The following SAMD7 variants were observed in gnomAD, a reference collection of about 807,000 sequenced individuals.
SAMD7 encodes sterile alpha motif domain-containing protein 7.
A neutral mutation model predicts 36.7 loss-of-function variants in SAMD7; 34 were observed. That is an observed-to-expected ratio of 0.93 (90% CI 0.71 to 1.23). SAMD7 has a LOEUF of 1.23. Ranked by LOEUF, SAMD7 falls within the 50% of genes most tolerant of loss-of-function variation. The pLI is 0.00. For synonymous variants in SAMD7, 188 were observed against 189.7 expected, an observed-to-expected ratio of 0.99 and a Z score of 0.07; for missense variants, 570 against 546.6, an observed-to-expected ratio of 1.04 and a Z score of -0.43.
At chr3:169,916,443 T>C (rs1712803648) in intron 2 of SAMD7, among the ~76,000 whole-genome samples, 1 of 152,080 alleles carries the variant, frequency 6.6e-6, no homozygotes, top group Admixed American at 6.6e-5. Context: ...GTCAGGAGTT[T>C]GAGACCAGCC....
At chr3:169,913,048 C>T (rs1444953550) in intron 1 of SAMD7, among the ~76,000 whole-genome samples, 1 of 152,084 alleles carries the variant, frequency 6.6e-6, no homozygotes, top group African/African-American at 2.4e-5. Flanking sequence ...TCGCAAGAAG[C>T]CAGGCCTGAA....
chr3:169,923,428 C>T (rs1713131118), intron 4 of SAMD7, among the ~76,000 whole-genome samples: 1 of 152,226 alleles, frequency 6.6e-6, no homozygotes, highest in Non-Finnish European at 1.5e-5. Flanking sequence ...TTACCGACAA[C>T]AGGCCAATAG....
chr3:169,931,882 C>A (rs1013049725), intron 7 of SAMD7: 1 of 220,668 alleles, frequency 4.5e-6, no homozygotes, highest in Non-Finnish European at 9.2e-6. Flanking sequence ...GAAGGTGCAT[C>A]CACAAATGGA....
chr3:169,925,582 C>T (rs1038017113), intron 5 of SAMD7, among the ~76,000 whole-genome samples: 1 of 152,002 alleles, frequency 6.6e-6, no homozygotes, highest in Non-Finnish European at 1.5e-5. Flanking sequence ...AAAAAACCAG[C>T]CAGGGGTGGT....
At chr3:169,924,832 A>C (rs2108260450) in intron 4 of SAMD7, among the ~76,000 whole-genome samples, 1 of 152,320 alleles carries the variant, frequency 6.6e-6, no homozygotes. Context: ...TCATGAGACC[A>C]ACAATTAAAG....
rs139999001 is a variant in SAMD7 at position 169,927,071 on chromosome 3, T to G, written c.809T>G (p.Leu270Arg). The G allele has an allele frequency of 4.3e-6, 7 of 1,610,278 alleles. No individual in the cohort carries two copies. Among genetic ancestry groups the G allele is most frequent in the Non-Finnish European group, 5.9e-6 (7 of 1,178,926 alleles). ...CCCTGGGGGTCTCACACCACTACCCTGAAAGCAAAGGCCTGGGACGATGGG... is the reference window on the plus strand; with the variant it reads ...CCCTGGGGGTCTCACACCACTACCCGGAAAGCAAAGGCCTGGGACGATGGG... The part of the protein sequence containing the change: ...RKPWGSHTTT[L>R]KAKAWDDGKE... The change falls in exon 6 of 9, where the codon CTG (leucine) becomes CGG (arginine). Residue 270 changes from leucine (L) to arginine (R), a missense_variant. Physicochemically the swap from Leu to Arg is moderately radical, Grantham distance 102 (BLOSUM62 -2). Transcript: ENST00000335556.
chr3:169,921,751 A>G (rs1297991958), intron 4 of SAMD7, among the ~76,000 whole-genome samples: 1 of 152,194 alleles, frequency 6.6e-6, no homozygotes, highest in Non-Finnish European at 1.5e-5. Flanking sequence ...AAAGAGCAAC[A>G]TGGTCTGACT....
intron 3 of SAMD7, among the ~76,000 whole-genome samples, chr3:169,919,822 G>A (rs79398235): frequency 6.8e-4 from 104 of 152,318 alleles, no homozygotes; most frequent in Non-Finnish European, 1.2e-3. Flanking sequence ...CATACTATAT[G>A]ACAGGCATTG....
At chr3:169,928,342 C>T in intron 6 of SAMD7, 115 bp from the exon 7 acceptor site, 3 of 767,956 alleles carry the variant, frequency 3.9e-6, no homozygotes, top group Non-Finnish European at 6.4e-6. Flanking sequence ...TTCCTAATAT[C>T]TTGTAAGGCG....
intron 4 of SAMD7, among the ~76,000 whole-genome samples, chr3:169,922,887 T>C (rs532807172): frequency 3.3e-5 from 5 of 152,364 alleles, no homozygotes; most frequent in African/African-American, 1.2e-4. Context: ...AAGTGTGCCA[T>C]CTGCAGAGCA....
intron 1 of SAMD7, among the ~76,000 whole-genome samples, chr3:169,913,008 G>T (rs1712666608): frequency 1.3e-5 from 2 of 152,172 alleles, no homozygotes; most frequent in African/African-American, 4.8e-5. Flanking sequence ...GGAGTTGTTG[G>T]GGTACTGCCT....
In SAMD7 at chr3:169,938,483, G is replaced by A. The variant is rs540015841; in HGVS notation, c.1318G>A (p.Glu440Lys). The A allele has an allele frequency of 1.2e-6, 2 of 1,610,192 alleles. No homozygotes were observed. The highest frequency in any genetic ancestry group is 2.7e-5 in the African/African-American group (2 of 74,902). The part of the protein sequence containing the change: ...PQDTIIPKGI[E>K]RGSMRN ...GGATACAATAATTCCTAAAGGAATTGAGCGAGGTAGTATGAGAAACTAAAA... is the reference window on the plus strand; with the variant it reads ...GGATACAATAATTCCTAAAGGAATTAAGCGAGGTAGTATGAGAAACTAAAA... The change falls in exon 9 of 9, where the codon GAG (glutamate) becomes AAG (lysine). Residue 440 changes from glutamate to lysine, a missense_variant. By Grantham distance (56) the Glu-to-Lys change is moderately conservative. Transcript: ENST00000335556.
intron 8 of SAMD7, among the ~76,000 whole-genome samples, chr3:169,937,631 A>G (rs1217535773): frequency 6.6e-6 from 1 of 152,118 alleles, no homozygotes; most frequent in Non-Finnish European, 1.5e-5. Context: ...GTGTATATGT[A>G]CCACATTTTC....
In SAMD7 at chr3:169,936,321, C is replaced by G. The variant is rs1386512992; in HGVS notation, c.1042-18C>G. On this transcript the variant is annotated intron_variant, in intron 7 of 8. Coordinates refer to ENST00000335556, the MANE Select transcript of SAMD7 (RefSeq NM_001304366.2). ...AAAAGACATTCAGACAGAGTTAACA[C>G]CTTTTGTATTTATGAAGGTATTTAA... The G allele has an allele frequency of 3.5e-6, 5 of 1,447,024 alleles. No homozygotes were observed. The East Asian group carries it at 6.8e-5, about 20-fold the overall frequency. The allele number at this position is 1,447,024 out of a possible 1,614,324, so 89.6% of individuals were successfully genotyped here.
intron 4 of SAMD7, among the ~76,000 whole-genome samples, chr3:169,921,710 TA>T (rs1013002340): frequency 6.6e-6 from 1 of 152,034 alleles, no homozygotes; most frequent in African/African-American, 2.4e-5. Context: ...TTATTCTGAG[TA>T]AAAAGGGAAG....
intron 8 of SAMD7, among the ~76,000 whole-genome samples, chr3:169,937,837 G>C (rs1713778783): frequency 6.6e-6 from 1 of 152,110 alleles, no homozygotes; most frequent in Non-Finnish European, 1.5e-5. Context: ...TCATGCATTG[G>C]CCTTCTAACT....
At chr3:169,926,232 A>G in intron 5 of SAMD7, 3 of 1,313,980 alleles carry the variant, frequency 2.3e-6, no homozygotes, top group Non-Finnish European at 3.0e-6. Context: ...ACCTCTTCCC[A>G]GTACTTTAGG....
chr3:169,933,162 G>A (rs73178424), intron 7 of SAMD7: 11,906 of 736,966 alleles, frequency 0.016, 124 homozygotes, highest in South Asian at 0.02. Context: ...CCTGGCCACC[G>A]TGGAGCAGTG....
rs991420554 is a variant in SAMD7 at position 169,930,823 on chromosome 3, C to T, written c.1041+2245C>T. ...GTCTCAACCTCCTGACCTCATGTTC[C>T]GCCCACCTCGGCCTCCCAAAGTGCT... On this transcript the variant is annotated intron_variant, in intron 7 of 8. Coordinates refer to ENST00000335556, the MANE Select transcript of SAMD7 (RefSeq NM_001304366.2). Among the ~76,000 whole-genome samples, 9 of 152,050 alleles carry T rather than the reference C, an allele frequency of 5.9e-5. No homozygotes were observed. In the East Asian group the frequency reaches 7.7e-4, roughly 13 times the overall value.
Sources: gnomAD v4.1 joint callset for allele counts (sites outside exome capture counted in the v4.1 genomes callset) on GRCh38, gnomAD v4.1.1 for gene constraint, MANE v1.5 for transcripts, NCBI Gene and HGNC (gene_info 2026-07-23, HGNC 2026-07-21) for gene names.